SDC2: variants seen among roughly 807,000 people sequenced by gnomAD.
SDC2 encodes syndecan-2.
A neutral mutation model predicts 22.2 loss-of-function variants in SDC2; 13 were observed. The ratio of observed to expected loss-of-function variants is 0.59; its 90% CI spans 0.38 to 0.93. The LOEUF is 0.93. Ranked by LOEUF, SDC2 falls within the 40% of genes least tolerant of loss-of-function variation. SDC2 has a pLI of 0.00. For synonymous variants in SDC2, 94 were observed against 92.8 expected (o/e 1.01, Z -0.07); for missense variants, 235 against 246.8 (o/e 0.95, Z 0.32).
At chr8:96,546,756 G>A (rs759659430) in intron 1 of SDC2, among the ~76,000 whole-genome samples, 5 of 152,204 alleles carry the variant, frequency 3.3e-5, no homozygotes, top group African/African-American at 4.8e-5. Flanking sequence ...GAAAGCGGGT[G>A]TATGAAACAG....
chr8:96,570,903 C>A (rs533448502), intron 1 of SDC2, among the ~76,000 whole-genome samples: 6 of 151,914 alleles, frequency 3.9e-5, no homozygotes, highest in Non-Finnish European at 7.4e-5. Context: ...ACAGTGGTTA[C>A]CGGGGGAAGG....
chr8:96,594,144 C>T (rs1297282713), intron 2 of SDC2, among the ~76,000 whole-genome samples: 1 of 152,094 alleles, frequency 6.6e-6, no homozygotes, highest in African/African-American at 2.4e-5. Flanking sequence ...GTATATTATT[C>T]CTTAATAGTT....
chr8:96,570,730 CAAT>C (rs1333777130), intron 1 of SDC2, among the ~76,000 whole-genome samples: 8 of 152,076 alleles, frequency 5.3e-5, no homozygotes, highest in East Asian at 3.9e-4. Flanking sequence ...TAAAATATCT[CAAT>C]AATTTTTACA....
At chr8:96,562,744 C>T (rs552272375) in intron 1 of SDC2, among the ~76,000 whole-genome samples, 1 of 152,258 alleles carries the variant, frequency 6.6e-6, no homozygotes, top group Admixed American at 6.5e-5. Context: ...ATAAAATTAG[C>T]ATTGCTTTCA....
At chr8:96,547,636 T>C (rs1479398075) in intron 1 of SDC2, among the ~76,000 whole-genome samples, 2 of 152,218 alleles carry the variant, frequency 1.3e-5, no homozygotes, top group South Asian at 2.1e-4. Context: ...CCTGCTGATA[T>C]AGGATACTAG....
At chr8:96,570,837 T>A (rs724236) in intron 1 of SDC2, among the ~76,000 whole-genome samples, 143,512 of 152,306 alleles carry the variant, frequency 0.94, 67,775 homozygotes, top group African/African-American at 0.98. Context: ...AAAGGACACT[T>A]TTATTGCACT....
intron 1 of SDC2, among the ~76,000 whole-genome samples, chr8:96,565,320 C>T (rs569209965): frequency 1.3e-5 from 2 of 151,126 alleles, no homozygotes; most frequent in East Asian, 1.9e-4. Flanking sequence ...CTCCTGACCT[C>T]GTGATCTGCC....
At chr8:96,519,927 G>C (rs888840322) in intron 1 of SDC2, among the ~76,000 whole-genome samples, 5 of 152,130 alleles carry the variant, frequency 3.3e-5, no homozygotes, top group Non-Finnish European at 5.9e-5. Flanking sequence ...CACGCTCGGC[G>C]TTAGAAGTAG....
chr8:96,518,192 A>G (rs1459151586), intron 1 of SDC2, among the ~76,000 whole-genome samples: 4 of 152,000 alleles, frequency 2.6e-5, no homozygotes, highest in Non-Finnish European at 4.4e-5. Flanking sequence ...GTTTCGCTTC[A>G]TGGTATAAAA....
chr8:96,494,514 C>T lies in SDC2; in HGVS notation c.60+183C>T, dbSNP rs923043225. On this transcript the variant is annotated intron_variant, in intron 1 of 4. Coordinates refer to ENST00000302190, the MANE Select transcript of SDC2 (RefSeq NM_002998.4). ...CCCCCTCTTCCCTTCCTCAGAAAAGCGCTGCTCGCTGGCGTTACCCCGCGG... is the reference window on the plus strand; with the variant it reads ...CCCCCTCTTCCCTTCCTCAGAAAAGTGCTGCTCGCTGGCGTTACCCCGCGG... 7.0e-4 allele frequency among the ~76,000 whole-genome samples: 107 copies of T among 152,352 alleles called. 1 individual carries two copies. Among genetic ancestry groups the T allele is most frequent in the African/African-American group, 2.3e-3 (95 of 41,590 alleles).
At chr8:96,497,650 A>G (rs879658923) in intron 1 of SDC2, among the ~76,000 whole-genome samples, 5 of 152,188 alleles carry the variant, frequency 3.3e-5, no homozygotes, top group Non-Finnish European at 5.9e-5. Flanking sequence ...CTGGCCAGCT[A>G]GAGGTGGCTT....
chr8:96,521,129 C>G (rs1194587351), intron 1 of SDC2, among the ~76,000 whole-genome samples: 1 of 152,170 alleles, frequency 6.6e-6, no homozygotes, highest in African/African-American at 2.4e-5. Flanking sequence ...TCATGCAGCA[C>G]CACATCCCTA....
chr8:96,517,651 G>A (rs555213847), intron 1 of SDC2, among the ~76,000 whole-genome samples: 8 of 152,052 alleles, frequency 5.3e-5, no homozygotes, highest in South Asian at 2.1e-4. Context: ...AAATGTAGGG[G>A]TTTATTTCTG....
chr8:96,516,993 C>T (rs921730848), intron 1 of SDC2, among the ~76,000 whole-genome samples: 1 of 152,156 alleles, frequency 6.6e-6, no homozygotes, highest in African/African-American at 2.4e-5. Context: ...TATGGTAACT[C>T]TGTATAACAT....
chr8:96,563,411 C>T (rs1276158779), intron 1 of SDC2, among the ~76,000 whole-genome samples: 1 of 152,204 alleles, frequency 6.6e-6, no homozygotes, highest in Middle Eastern at 3.2e-3. Context: ...CTCTTTGCTA[C>T]CTAACTAAGC....
intron 1 of SDC2, among the ~76,000 whole-genome samples, chr8:96,592,417 A>G (rs947439546): frequency 1.4e-4 from 22 of 152,348 alleles, no homozygotes; most frequent in African/African-American, 5.1e-4. Context: ...GTTAAGAGCA[A>G]ACATTCTATA....
intron 1 of SDC2, among the ~76,000 whole-genome samples, chr8:96,532,652 AC>A (rs1460671981): frequency 4.6e-5 from 7 of 151,832 alleles, no homozygotes; most frequent in Admixed American, 2.0e-4. Flanking sequence ...TATCACTGCC[AC>A]CCCCATCCCC....
chr8:96,559,153 C>T (rs904936399), intron 1 of SDC2, among the ~76,000 whole-genome samples: 1 of 152,050 alleles, frequency 6.6e-6, no homozygotes, highest in Non-Finnish European at 1.5e-5. Context: ...AATGAGGTTG[C>T]CATATTTGAC....
At chr8:96,508,296 A>AAATAATAATAATAAT (rs35792253) in intron 1 of SDC2, among the ~76,000 whole-genome samples, 3 of 130,926 alleles carry the variant, frequency 2.3e-5, no homozygotes, top group African/African-American at 8.8e-5. Flanking sequence ...ACTCCGTCTC[A>AAATAATAATAATAAT]AATAATAATA....
Sources: gnomAD v4.1 joint callset for allele counts (sites outside exome capture counted in the v4.1 genomes callset) on GRCh38, gnomAD v4.1.1 for gene constraint, MANE v1.5 for transcripts, NCBI Gene and HGNC (gene_info 2026-07-23, HGNC 2026-07-21) for gene names.